Variants in DNHD1 observed in about 807,000 individuals in gnomAD.
DNHD1 encodes the protein dynein heavy chain domain 1.
A neutral mutation model predicts 458.1 loss-of-function variants in DNHD1; 383 were observed. The observed-to-expected ratio is 0.84, with a 90% CI of 0.77 to 0.91. The LOEUF is 0.91. DNHD1 is among the 40% of genes least tolerant of loss of function. DNHD1 has a pLI of 0.00. For missense variants in DNHD1, 5,336 were observed against 5,866.1 expected (o/e 0.91, Z 2.95); for synonymous variants, 2,203 against 2,376.9 (o/e 0.93, Z 2.13).
At chr11:6,543,936 G>A (rs563307616) in intron 18 of DNHD1, among the ~76,000 whole-genome samples, 185 bp from the exon 19 acceptor site, 7 of 129,166 alleles carry the variant, frequency 5.4e-5, no homozygotes, top group African/African-American at 2.0e-4. Flanking sequence ...TCTAGCCTGG[G>A]CAACAAAGCG....
chr11:6,510,555 G>T (rs936903900), intron 6 of DNHD1, among the ~76,000 whole-genome samples: 1 of 152,136 alleles, frequency 6.6e-6, no homozygotes, highest in African/African-American at 2.4e-5. Context: ...TGGGAGACGG[G>T]ACAAATCTTA....
intron 34 of DNHD1, 31 bp downstream of exon 34, chr11:6,566,424 G>T: frequency 6.4e-7 from 1 of 1,556,102 alleles, no homozygotes; most frequent in Non-Finnish European, 8.7e-7. Context: ...TGCCAGCACA[G>T]TTGTGTGGAC....
At chr11:6,559,428 T>G in intron 28 of DNHD1, 145 bp downstream of exon 28, 1 of 708,006 alleles carries the variant, frequency 1.4e-6, no homozygotes, top group Non-Finnish European at 2.3e-6. Context: ...CTCCGCTGCC[T>G]CCTCCTTTAC....
Position 6,570,105 on chromosome 11 carries a change from G to T in DNHD1, c.12955+5G>T. On this transcript the variant is annotated splice_donor_5th_base_variant and intron_variant, in intron 40 of 42. Coordinates refer to ENST00000254579, the MANE Select transcript of DNHD1 (RefSeq NM_144666.3). The stretch of plus-strand genomic sequence containing the variant: ...CTGCCATGCAAGAGCTGGCTGGTGA[G>T]ACCCTTCCTCTCCCCCTTGGAGTCA... 1 of 1,613,914 alleles carries T rather than the reference G, an allele frequency of 6.2e-7. No homozygotes were observed. Among genetic ancestry groups the T allele is most frequent in the South Asian group, 1.1e-5 (1 of 91,082 alleles).
intron 16 of DNHD1, 81 bp from the exon 17 acceptor site, chr11:6,539,138 G>A: frequency 1.0e-6 from 1 of 994,444 alleles, no homozygotes; most frequent in Non-Finnish European, 1.5e-6. Flanking sequence ...GGCTGGGCTG[G>A]GCTGGGCTCT....
intron 14 of DNHD1, among the ~76,000 whole-genome samples, chr11:6,537,340 C>G (rs932744562): frequency 2.0e-5 from 3 of 152,122 alleles, no homozygotes; most frequent in East Asian, 3.8e-4. Flanking sequence ...TTTGGGCTGA[C>G]AGTTCATTCG....
intron 24 of DNHD1, among the ~76,000 whole-genome samples, chr11:6,556,475 G>A (rs568282499): frequency 7.9e-5 from 12 of 152,264 alleles, no homozygotes; most frequent in Non-Finnish European, 1.2e-4. Flanking sequence ...AGTCACAGAG[G>A]TAGGATCTAG....
chr11:6,502,145 C>A lies in DNHD1; in HGVS notation c.747-608C>A, dbSNP rs145736812. The stretch of plus-strand genomic sequence containing the variant: ...CTAATTTCCATACCAATTTTGTTGA[C>A]CAGAATGCAGAAGAGTAAGAGGATG... On this transcript the variant is annotated intron_variant, in intron 3 of 42. Coordinates refer to ENST00000254579, the MANE Select transcript of DNHD1 (RefSeq NM_144666.3). Among the ~76,000 whole-genome samples the A allele has an allele frequency of 2.7e-3, 404 of 152,108 alleles. 5 individuals carry two copies. The highest frequency in any genetic ancestry group is 8.7e-3 in the African/African-American group (361 of 41,482).
At chr11:6,533,558 G>C in intron 13 of DNHD1, 123 bp from the exon 14 acceptor site, 1 of 1,255,752 alleles carries the variant, frequency 8.0e-7, no homozygotes, top group South Asian at 1.6e-5. Flanking sequence ...GATTCCAGTT[G>C]ATTACAAGGC....
intron 7 of DNHD1, among the ~76,000 whole-genome samples, chr11:6,512,495 T>G (rs1051131983): frequency 6.6e-6 from 1 of 152,048 alleles, no homozygotes; most frequent in Non-Finnish European, 1.5e-5. Flanking sequence ...GTGCTGGGAT[T>G]ACAGGTGTGA....
In DNHD1 at chr11:6,540,033, GC is replaced by G; in HGVS notation, c.3583del (p.Gln1195AsnfsTer4). On this transcript the variant is annotated frameshift_variant, in exon 18 of 43. Transcript: ENST00000254579. Reference sequence around the variant, plus strand: ...CGCTCCAAGAGGCAGGTGCTCCGCAGCCCCCAATGGGAGGTAGTGGACAAAG... The same window carrying G: ...CGCTCCAAGAGGCAGGTGCTCCGCAGCCCCAATGGGAGGTAGTGGACAAAG... ...SERSKRQVLR[S>X]PQWEVVDKDS... 7 of 1,551,658 alleles carry G rather than the reference GC, an allele frequency of 4.5e-6. No individual in the cohort carries two copies. Among genetic ancestry groups the G allele is most frequent in the Non-Finnish European group, 6.1e-6 (7 of 1,146,916 alleles).
At position 6,545,436 on chromosome 11, in the gene DNHD1, G is replaced by A; in HGVS notation, c.4497G>A (p.Trp1499Ter). The A allele has an allele frequency of 6.4e-7, 1 of 1,551,868 alleles. No homozygotes were observed. Among genetic ancestry groups the A allele is most frequent in the Non-Finnish European group, 8.7e-7 (1 of 1,147,042 alleles). ...ACCTGCAACTGTATGTCCAGCACTGGATCGACTTAGTCCAGGCCTTCCCAT... is the reference window on the plus strand; with the variant it reads ...ACCTGCAACTGTATGTCCAGCACTGAATCGACTTAGTCCAGGCCTTCCCAT... ...KLYLQLYVQH[W>*]IDLVQAFPWQ... Residue 1499 changes from tryptophan to a stop codon, truncating the protein, a stop_gained, in exon 21 of 43, where the codon TGG (tryptophan) becomes TGA (stop). Transcript: ENST00000254579. LOFTEE classifies it high-confidence loss of function. This position sits in a 1 kb window ranked among gnomAD's most constrained non-coding sequence, Gnocchi z 4.9.
rs149483769 is a variant in DNHD1, at chr11:6,518,252, G to A, written c.1393-1348G>A. The stretch of plus-strand genomic sequence containing the variant: ...ATTTTTTGTATTTTTTGCAGAGATC[G>A]GGTTTCACCATGTTGCCCAGGCTGG... On this transcript the variant is annotated intron_variant, in intron 7 of 42. Coordinates refer to ENST00000254579, the MANE Select transcript of DNHD1 (RefSeq NM_144666.3). Among the ~76,000 whole-genome samples the A allele has an allele frequency of 5.9e-5, 9 of 152,186 alleles. No homozygotes were observed. In the South Asian group the frequency reaches 1.5e-3, roughly 25 times the overall value.
rs747701056 is a variant in DNHD1 at position 6,570,855 on chromosome 11, G to C, written c.13343G>C (p.Arg4448Pro). 1 of 1,614,030 alleles carries C rather than the reference G, an allele frequency of 6.2e-7. No individual in the cohort carries two copies. Among genetic ancestry groups the C allele is most frequent in the East Asian group, 2.2e-5 (1 of 44,886 alleles). The change falls in exon 42 of 43, where the codon CGG becomes CCG. Residue 4448 changes from arginine to proline, a missense_variant. Coordinates refer to ENST00000254579, the MANE Select transcript of DNHD1 (RefSeq NM_144666.3). ...CGGCAACGCCTAGTGCAAGTCAACCGGAGGCTGGAGTCACTGCAGGATCTG... is the reference window on the plus strand; with the variant it reads ...CGGCAACGCCTAGTGCAAGTCAACCCGAGGCTGGAGTCACTGCAGGATCTG... ...RLRQRLVQVN[R>P]RLESLQDLLT...
At chr11:6,518,542 A>G (rs1183791756) in intron 7 of DNHD1, among the ~76,000 whole-genome samples, 1 of 152,224 alleles carries the variant, frequency 6.6e-6, no homozygotes, top group East Asian at 1.9e-4. Context: ...ACAAACATTT[A>G]CTGTGGAACT....
rs930282731 is a variant in DNHD1 at position 6,566,329 on chromosome 11, C to T, written c.11142C>T (p.Pro3714=). 3.2e-6 allele frequency: 5 copies of T among 1,553,282 alleles called. No homozygotes were observed. The African/African-American group carries it at 5.5e-5, about 17-fold the overall frequency. ...TGCAACGGGAGCAGCTGAGTCCACC[C>T]CAGGTGCAGCCTGGCTTCTGTCTGT... is the stretch of plus-strand genomic sequence containing the variant. ...WLLQREQLSP[P]QVQPGFCLYL... is the part of the protein sequence containing the mutation. Residue 3714 remains proline (P), a synonymous_variant, in exon 34 of 43, where the codon CCC becomes CCT. Transcript: ENST00000254579.
rs1329317695 is a variant in DNHD1 at position 6,519,872 on chromosome 11, A to G, written c.1647+18A>G. On this transcript the variant is annotated intron_variant, in intron 8 of 42. Transcript: ENST00000254579. ...TCCTTCAAGTGAGGTGGTGGGTGGC[A>G]TGTGTGGAGGTGGCAGGCAGTCCAG... 8 of 1,612,768 alleles carry G rather than the reference A, an allele frequency of 5.0e-6. No individual in the cohort carries two copies. Among genetic ancestry groups the G allele is most frequent in the Non-Finnish European group, 6.8e-6 (8 of 1,179,838 alleles).
At position 6,567,465 on chromosome 11, in the gene DNHD1, G is replaced by T. The variant is rs1023761034; in HGVS notation, c.11956G>T (p.Ala3986Ser). The change falls in exon 36 of 43, where the codon GCC becomes TCC. Residue 3986 changes from alanine (A) to serine (S), a missense_variant. This residue lies in a region of DNHD1 where 695 missense variants were observed against 804.2 expected (regional missense o/e 0.86). Transcript: ENST00000254579. The part of the protein sequence containing the change: ...VARPAWLGPK[A>S]WHECEMLELL... ...TCGACCGGCCTGGCTTGGGCCAAAA[G>T]CCTGGCATGAATGTGAGATGTTAGA... The T allele has an allele frequency of 6.2e-7, 1 of 1,612,338 alleles. No homozygotes were observed. Among genetic ancestry groups the T allele is most frequent in the East Asian group, 2.2e-5 (1 of 44,794 alleles).
At position 6,564,792 on chromosome 11, in the gene DNHD1, A is replaced by C. The variant is rs1442911438; in HGVS notation, c.10744A>C (p.Thr3582Pro). The part of the protein sequence containing the change: ...EENRSFAPAL[T>P]EGRGKGLMRN... ...GAATCGATCTTTTGCGCCAGCCCTCACTGAGGGTAGAGGTAAGCAGGCATA... is the reference window on the plus strand; with the variant it reads ...GAATCGATCTTTTGCGCCAGCCCTCCCTGAGGGTAGAGGTAAGCAGGCATA... Residue 3582 changes from threonine to proline, a missense_variant, in exon 32 of 43, where the codon ACT (threonine) becomes CCT (proline). Physicochemically the swap from Thr to Pro is conservative, Grantham distance 38 (BLOSUM62 -1). Coordinates refer to ENST00000254579, the MANE Select transcript of DNHD1 (RefSeq NM_144666.3). 15 of 1,528,746 alleles carry C rather than the reference A, an allele frequency of 9.8e-6. No homozygotes were observed. Among genetic ancestry groups the C allele is most frequent in the Non-Finnish European group, 1.3e-5 (15 of 1,131,056 alleles). The allele number at this position is 1,528,746 out of a possible 1,614,324, so 94.7% of individuals were successfully genotyped here. A position where few individuals can be genotyped will look rare whatever the true frequency, so the allele number is the denominator to read the frequency against.
Sources: allele counts gnomAD v4.1 joint callset (sites outside exome capture counted in the v4.1 genomes callset), GRCh38; gene constraint gnomAD v4.1.1; regional missense constraint gnomAD v4.1.1; non-coding constraint Gnocchi (gnomAD v3.1); transcripts MANE v1.5; gene names NCBI Gene and HGNC (gene_info 2026-07-23, HGNC 2026-07-21).